DDX10: variants seen among roughly 807,000 people sequenced by gnomAD.
DDX10 encodes probable ATP-dependent RNA helicase DDX10.
In DDX10, 74 loss-of-function variants were observed where a neutral mutation model predicts 104.3. The ratio of observed to expected loss-of-function variants is 0.71; its 90% CI spans 0.59 to 0.86. The LOEUF (loss-of-function observed/expected upper bound fraction) is 0.86. Among genes scored for constraint, DDX10 ranks in the 40% least tolerant of loss-of-function variants. DDX10 has a pLI of 0.00. For missense variants in DDX10, 952 were observed against 1,040.0 expected (o/e 0.92, Z 1.16); for synonymous variants, 351 against 353.4 (o/e 0.99, Z 0.08).
intron 1 of DDX10, among the ~76,000 whole-genome samples, chr11:108,670,057 C>T (rs1234774080): frequency 1.3e-5 from 2 of 152,168 alleles, no homozygotes; most frequent in African/African-American, 4.8e-5. Context: ...TAATTTATTA[C>T]AGTAACAGTA....
intron 13 of DDX10, among the ~76,000 whole-genome samples, chr11:108,745,930 A>G (rs1176903607): frequency 6.6e-6 from 1 of 152,152 alleles, no homozygotes; most frequent in East Asian, 1.9e-4. Flanking sequence ...TTTCTATCAT[A>G]CAATTTAGTC....
intron 13 of DDX10, among the ~76,000 whole-genome samples, chr11:108,750,702 T>C (rs2094337387): frequency 6.6e-6 from 1 of 151,654 alleles, no homozygotes; most frequent in Non-Finnish European, 1.5e-5. Flanking sequence ...TTGAATTAGA[T>C]AGACTTTTCT....
intron 13 of DDX10, among the ~76,000 whole-genome samples, chr11:108,749,049 T>C (rs1375134745): frequency 6.6e-6 from 1 of 151,398 alleles, no homozygotes; most frequent in East Asian, 1.9e-4. Flanking sequence ...TAGACAACCA[T>C]GTCTCTCTCT....
At position 108,677,337 on chromosome 11, in the gene DDX10, A is replaced by G. The variant is rs80230587; in HGVS notation, c.537+94A>G. The G allele has an allele frequency of 2.9e-3, 3,378 of 1,180,910 alleles. 61 individuals are homozygous for G. In the African/African-American group the frequency reaches 0.037, roughly 13 times the overall value. The allele number at this position is 1,180,910 out of a possible 1,614,324, so 73.2% of individuals were successfully genotyped here. A position where few individuals can be genotyped will look rare whatever the true frequency, so the allele number is the denominator to read the frequency against. On this transcript the variant is annotated intron_variant, in intron 4 of 17. Transcript: ENST00000322536. Reference sequence around the variant, plus strand: ...GGGAGGCAGCAGAGACTTCATCTAAACAGACTGACCTAGACCAGGGCCTCA... The same window carrying G: ...GGGAGGCAGCAGAGACTTCATCTAAGCAGACTGACCTAGACCAGGGCCTCA...
chr11:108,828,425 A>C (rs1284815494), intron 13 of DDX10, among the ~76,000 whole-genome samples: 2 of 152,186 alleles, frequency 1.3e-5, no homozygotes, highest in African/African-American at 4.8e-5. Context: ...TTACTGACTT[A>C]CTTTACTTAG....
chr11:108,812,206 T>C (rs1862192195), intron 13 of DDX10, among the ~76,000 whole-genome samples: 1 of 152,134 alleles, frequency 6.6e-6, no homozygotes, highest in Admixed American at 6.6e-5. Flanking sequence ...ACAAAATCAA[T>C]AACTAAGACA....
chr11:108,717,104 T>C (rs1288017457), intron 11 of DDX10, among the ~76,000 whole-genome samples: 1 of 152,174 alleles, frequency 6.6e-6, no homozygotes, highest in Non-Finnish European at 1.5e-5. Context: ...GCATCTCCCA[T>C]AGCATATCAG....
intron 13 of DDX10, chr11:108,729,808 A>G (rs1428017976): frequency 6.6e-6 from 1 of 152,116 alleles, no homozygotes; most frequent in Non-Finnish European, 1.5e-5. Context: ...CAAACAACAC[A>G]ATGCACGTCG....
At chr11:108,784,200 C>T (rs1207314620) in intron 13 of DDX10, among the ~76,000 whole-genome samples, 1 of 152,148 alleles carries the variant, frequency 6.6e-6, no homozygotes, top group Non-Finnish European at 1.5e-5. Context: ...AATGGTAGTT[C>T]TGTTTTAAGT....
chr11:108,720,902 TTTTTTTTTTAAA>T (rs773616030), intron 12 of DDX10, among the ~76,000 whole-genome samples: 71 of 151,578 alleles, frequency 4.7e-4, no homozygotes, highest in East Asian at 3.7e-3. Flanking sequence ...CGGGTTTTTT[TTTTTTTTTTAAA>T]CCTTTTGACC....
intron 14 of DDX10, 21 bp from the exon 15 acceptor site, chr11:108,841,294 T>G (rs536427101): frequency 1.2e-6 from 2 of 1,608,152 alleles, no homozygotes; most frequent in South Asian, 2.2e-5. Flanking sequence ...CTGTTGACAC[T>G]GACCTTTTTT....
intron 13 of DDX10, among the ~76,000 whole-genome samples, chr11:108,784,586 A>G (rs1049256632): frequency 3.3e-5 from 5 of 152,168 alleles, no homozygotes; most frequent in Non-Finnish European, 1.5e-5. Context: ...GATTCTGGAT[A>G]TTAGACTTTT....
At chr11:108,897,467 G>T (rs776561922) in intron 16 of DDX10, among the ~76,000 whole-genome samples, 1 of 152,126 alleles carries the variant, frequency 6.6e-6, no homozygotes, top group Non-Finnish European at 1.5e-5. Flanking sequence ...AAAAATAAAT[G>T]TTTCTTTTTT....
At chr11:108,858,246 G>A (rs143179642) in intron 16 of DDX10, among the ~76,000 whole-genome samples, 85 of 151,852 alleles carry the variant, frequency 5.6e-4, no homozygotes, top group African/African-American at 1.9e-3. Flanking sequence ...GACTCATGAC[G>A]TTCTTCCTTT....
intron 13 of DDX10, among the ~76,000 whole-genome samples, chr11:108,776,137 G>T (rs919782245): frequency 3.9e-5 from 6 of 152,070 alleles, no homozygotes; most frequent in African/African-American, 1.2e-4. Flanking sequence ...AACCTTTCTG[G>T]GATTTCAGTG....
intron 13 of DDX10, among the ~76,000 whole-genome samples, chr11:108,773,896 G>A (rs1329978658): frequency 6.6e-6 from 1 of 152,158 alleles, no homozygotes; most frequent in African/African-American, 2.4e-5. Context: ...GCCCAGAGAA[G>A]CATAAAAGAA....
chr11:108,730,848 TG>T (rs1445587952), intron 13 of DDX10, among the ~76,000 whole-genome samples: 10 of 52,238 alleles, frequency 1.9e-4, no homozygotes, highest in Admixed American at 1.4e-3. Context: ...CGTACCTGCA[TG>T]TTTTTTTTTT....
intron 13 of DDX10, among the ~76,000 whole-genome samples, chr11:108,813,801 T>A (rs1324885690): frequency 1.3e-5 from 2 of 152,212 alleles, no homozygotes; most frequent in African/African-American, 4.8e-5. Flanking sequence ...ACCCAATTAT[T>A]CCAATATTGC....
chr11:108,743,852 G>A (rs80167522), intron 13 of DDX10, among the ~76,000 whole-genome samples: 2,064 of 152,240 alleles, frequency 0.014, 69 homozygotes, highest in Admixed American at 0.082. Flanking sequence ...ACACACACAT[G>A]CTGCTTGAAC....
Sources: allele counts gnomAD v4.1 joint callset (sites outside exome capture counted in the v4.1 genomes callset), GRCh38; gene constraint gnomAD v4.1.1; transcripts MANE v1.5; gene names NCBI Gene and HGNC (gene_info 2026-07-23, HGNC 2026-07-21).